ARMC2: variants seen among roughly 807,000 people sequenced by gnomAD.
ARMC2 encodes the protein armadillo repeat-containing protein 2.
Under a neutral mutation model 90.3 loss-of-function variants are expected in ARMC2, and 67 were observed. That is an observed-to-expected ratio of 0.74 (90% CI 0.61 to 0.91). The LOEUF (loss-of-function observed/expected upper bound fraction) is 0.91, where lower values mean the gene tolerates loss of function less well. ARMC2 is among the 40% of genes least tolerant of loss of function. ARMC2 has a pLI of 0.00. For synonymous variants in ARMC2, 393 were observed against 393.0 expected (o/e 1.00, Z 0.00); for missense variants, 920 against 1,030.9 (o/e 0.89, Z 1.47).
chr6:108,899,694 T>A lies in ARMC2; in HGVS notation c.749T>A (p.Val250Asp). 6.2e-7 allele frequency: 1 copy of A among 1,612,362 alleles called. No homozygotes were observed. Among genetic ancestry groups the A allele is most frequent in the Non-Finnish European group, 8.5e-7 (1 of 1,178,924 alleles). The change falls in exon 7 of 18, where the codon GTC becomes GAC. Residue 250 changes from valine to aspartate, a missense_variant and splice_region_variant. By Grantham distance (152) the Val-to-Asp change is radical (BLOSUM62 -3). Transcript: ENST00000392644. The stretch of plus-strand genomic sequence containing the variant: ...CTCCTGCTCTGGATTTCTTTTGCAG[T>A]CCCAAAAGCTGACCTGCAAGAAGAG... ...SDLSRLQTKA[V>D]PKADLQEEDA...
downstream of ARMC2, among the ~76,000 whole-genome samples, chr6:108,976,647 T>G (rs909390539): frequency 5.3e-5 from 8 of 152,164 alleles, no homozygotes; most frequent in Non-Finnish European, 1.2e-4. Context: ...GCATGGAATG[T>G]TTTTTTAATT....
chr6:108,902,602 G>A (rs1772261549), intron 7 of ARMC2, among the ~76,000 whole-genome samples: 1 of 152,134 alleles, frequency 6.6e-6, no homozygotes, highest in African/African-American at 2.4e-5. Flanking sequence ...ATAACCAAAA[G>A]ACATTGAAGG....
At chr6:109,000,763 G>T in the ARMC2 span, 45 of 1,077,516 alleles carry the variant, frequency 4.2e-5, no homozygotes, top group Non-Finnish European at 5.5e-5. Flanking sequence ...AGCTAATTAA[G>T]TTTATTAGTA....
intron 9 of ARMC2, among the ~76,000 whole-genome samples, chr6:108,911,907 A>AT (rs1034718819): frequency 6.6e-6 from 1 of 151,696 alleles, no homozygotes; most frequent in Non-Finnish European, 1.5e-5. Context: ...GGTGATTGAG[A>AT]TTTTTTTTTA....
At chr6:108,918,385 A>G (rs1774205632) in intron 10 of ARMC2, among the ~76,000 whole-genome samples, 2 of 152,184 alleles carry the variant, frequency 1.3e-5, no homozygotes, top group Non-Finnish European at 2.9e-5. Flanking sequence ...TGAGGGGGCC[A>G]TCTCCTAGGG....
chr6:108,857,237 T>C (rs1005260176), intron 2 of ARMC2, among the ~76,000 whole-genome samples: 1 of 152,248 alleles, frequency 6.6e-6, no homozygotes, highest in Non-Finnish European at 1.5e-5. Context: ...TTTTTTGATT[T>C]CTTTCACTGA....
At chr6:109,002,092 C>G in the ARMC2 span, among the ~76,000 whole-genome samples, 1 of 152,138 alleles carries the variant, frequency 6.6e-6, no homozygotes, top group East Asian at 1.9e-4. Context: ...TCATGAAATA[C>G]TAGAAATCAA....
At chr6:108,951,774 C>CT (rs1777200715) in intron 12 of ARMC2, among the ~76,000 whole-genome samples, 1 of 152,234 alleles carries the variant, frequency 6.6e-6, no homozygotes, top group Non-Finnish European at 1.5e-5. Context: ...GCCCTTGGCC[C>CT]TTTGTCCCCT....
rs1290847343 is a variant in ARMC2, at chr6:108,910,989, G to T, written c.1114G>T (p.Asp372Tyr). 1 of 1,577,126 alleles carries T rather than the reference G, an allele frequency of 6.3e-7. No homozygotes were observed. ...GAAGAATGATTCTTTGATTCAAAAT[G>T]ACAGCATTCTGGGTGAGTGTCATTC... ...NEKNDSLIQN[D>Y]SILESLLEVL... is the part of the protein sequence containing the mutation. Residue 372 changes from aspartate to tyrosine, a missense_variant, in exon 9 of 18, where the codon GAC (aspartate) becomes TAC (tyrosine). Transcript: ENST00000392644.
chr6:108,876,770 T>C (rs1485949974), intron 5 of ARMC2, among the ~76,000 whole-genome samples: 2 of 152,232 alleles, frequency 1.3e-5, no homozygotes, highest in African/African-American at 2.4e-5. Flanking sequence ...CTTCAGTAGA[T>C]CTTGGATTAA....
chr6:109,001,150 A>G, the ARMC2 span: 26 of 754,524 alleles, frequency 3.4e-5, no homozygotes, highest in South Asian at 5.4e-4. Flanking sequence ...TAAAAATAGG[A>G]AAAACAGAGA....
At position 108,862,193 on chromosome 6, in the gene ARMC2, C is replaced by T. The variant is rs150867437; in HGVS notation, c.291+3922C>T. ...ACCCCGTCTCTACTAAAAATATAAA[C>T]ATTAGCCAGGTGTGGTGGCGCATGC... On this transcript the variant is annotated intron_variant, in intron 3 of 17. Transcript: ENST00000392644. 4.0e-5 allele frequency among the ~76,000 whole-genome samples: 6 copies of T among 151,734 alleles called. No individual in the cohort carries two copies. In the East Asian group the frequency reaches 9.7e-4, roughly 25 times the overall value.
downstream of ARMC2, among the ~76,000 whole-genome samples, chr6:108,975,010 T>A (rs1211290343): frequency 6.6e-6 from 1 of 152,086 alleles, no homozygotes. Flanking sequence ...TCTTTTTTTT[T>A]TTCTTAATTA....
the ARMC2 span, among the ~76,000 whole-genome samples, chr6:108,993,821 C>T: frequency 1.1e-4 from 17 of 151,994 alleles, no homozygotes; most frequent in Non-Finnish European, 2.1e-4. Context: ...TCAAGGTGAT[C>T]CTTCCACCTC....
intron 8 of ARMC2, among the ~76,000 whole-genome samples, chr6:108,904,897 C>T (rs374112677): frequency 1.6e-4 from 25 of 152,060 alleles, no homozygotes; most frequent in African/African-American, 5.3e-4. Context: ...AATACAGCTG[C>T]GTGTGGTCAC....
chr6:108,961,199 G>A (rs747902517), intron 13 of ARMC2, among the ~76,000 whole-genome samples: 164 of 152,248 alleles, frequency 1.1e-3, no homozygotes, highest in Admixed American at 2.2e-3. Flanking sequence ...CTCCAAGGAG[G>A]AGCCCCTGGG....
intron 3 of ARMC2, among the ~76,000 whole-genome samples, chr6:108,859,948 G>C (rs1156538857): frequency 6.6e-6 from 1 of 150,996 alleles, no homozygotes; most frequent in African/African-American, 2.4e-5. Context: ...AGGTTGTAGT[G>C]AGTTGAGATT....
chr6:108,939,566 C>G (rs555509559), intron 12 of ARMC2, among the ~76,000 whole-genome samples: 1 of 152,264 alleles, frequency 6.6e-6, no homozygotes, highest in Non-Finnish European at 1.5e-5. Context: ...TGAGGCCTCC[C>G]CAGAAGCTGA....
chr6:108,907,714 C>T, intron 8 of ARMC2: 3 of 1,609,966 alleles, frequency 1.9e-6, no homozygotes, highest in South Asian at 2.2e-5. Flanking sequence ...AGATGCTCCC[C>T]TTCTTCACAT....
Sources: gnomAD v4.1 joint callset for allele counts (sites outside exome capture counted in the v4.1 genomes callset) on GRCh38, gnomAD v4.1.1 for gene constraint, MANE v1.5 for transcripts, NCBI Gene and HGNC (gene_info 2026-07-23, HGNC 2026-07-21) for gene names.